The following HOMER1 variants were observed in gnomAD, a reference collection of about 807,000 sequenced individuals.
The protein encoded by HOMER1 is homer protein homolog 1.
In HOMER1, 3 loss-of-function variants were observed where a neutral mutation model predicts 48.9. The ratio of observed to expected loss-of-function variants is 0.06; its 90% CI spans 0.03 to 0.16. The LOEUF (loss-of-function observed/expected upper bound fraction) is 0.16, where lower values mean the gene tolerates loss of function less well. HOMER1 is among the 10% of genes least tolerant of loss of function. The pLI is 1.00. For missense variants in HOMER1, 247 were observed against 411.4 expected (o/e 0.60, Z 3.46); for synonymous variants, 134 against 146.4 (o/e 0.92, Z 0.61).
At chr5:79,438,876 T>TAAAAAAAAAAAAA (rs78093840) in intron 5 of HOMER1, 134 bp downstream of exon 5, 3 of 443,146 alleles carry the variant, frequency 6.8e-6, no homozygotes, top group Non-Finnish European at 1.2e-5. Context: ...ACAGAAGCAG[T>TAAAAAAAAAAAAA]AAAAAAAAAA....
At chr5:79,494,166 T>C (rs959420623) in intron 1 of HOMER1, among the ~76,000 whole-genome samples, 1 of 152,182 alleles carries the variant, frequency 6.6e-6, no homozygotes, top group African/African-American at 2.4e-5. Flanking sequence ...TGATCTGCTC[T>C]TTTCTATAAA....
At chr5:79,412,068 G>C (rs908433029) in intron 5 of HOMER1, among the ~76,000 whole-genome samples, 7 of 151,978 alleles carry the variant, frequency 4.6e-5, no homozygotes, top group African/African-American at 1.7e-4. Context: ...GCAGTGAGTG[G>C]AGATCATGCC....
At chr5:79,421,666 C>T (rs7726818) in intron 5 of HOMER1, among the ~76,000 whole-genome samples, 4,535 of 151,110 alleles carry the variant, frequency 0.03, 206 homozygotes, top group African/African-American at 0.1. Context: ...AGTGCAATGG[C>T]GCAATCTTGG....
chr5:79,483,128 G>A (rs571890408), intron 1 of HOMER1, among the ~76,000 whole-genome samples: 2 of 152,006 alleles, frequency 1.3e-5, no homozygotes, highest in East Asian at 3.9e-4. Flanking sequence ...CTATGCCAAG[G>A]GCAAAGGGAC....
chr5:79,410,303 C>T (rs1749782357), intron 5 of HOMER1, among the ~76,000 whole-genome samples: 1 of 151,634 alleles, frequency 6.6e-6, no homozygotes, highest in Non-Finnish European at 1.5e-5. Flanking sequence ...ACCAGCCTGA[C>T]CAACATGGAG....
intron 8 of HOMER1, among the ~76,000 whole-genome samples, chr5:79,393,292 T>C (rs1312550430): frequency 2.0e-5 from 3 of 152,022 alleles, no homozygotes; most frequent in Non-Finnish European, 2.9e-5. Context: ...AAAAAATACC[T>C]GGGATGGGGT....
intron 5 of HOMER1, among the ~76,000 whole-genome samples, chr5:79,405,032 C>T (rs1005399833): frequency 6.6e-5 from 10 of 151,992 alleles, no homozygotes; most frequent in Non-Finnish European, 1.2e-4. Flanking sequence ...CGATTCTGTG[C>T]GTGAGGCTGA....
intron 8 of HOMER1, among the ~76,000 whole-genome samples, chr5:79,376,931 A>T (rs909791416): frequency 9.9e-5 from 15 of 152,192 alleles, no homozygotes; most frequent in African/African-American, 3.6e-4. Context: ...ACACTTAAAA[A>T]TTATTTAGCA....
intron 1 of HOMER1, among the ~76,000 whole-genome samples, chr5:79,461,931 G>A (rs1751326360): frequency 6.6e-6 from 1 of 152,142 alleles, no homozygotes; most frequent in Non-Finnish European, 1.5e-5. Flanking sequence ...GGGCGCAGTG[G>A]CTCACGCCTG....
chr5:79,502,520 G>T (rs554970278), intron 1 of HOMER1, among the ~76,000 whole-genome samples: 32 of 152,168 alleles, frequency 2.1e-4, no homozygotes, highest in Admixed American at 3.3e-4. Context: ...AAATAAACAT[G>T]GTAGCGCTTT....
intron 1 of HOMER1, among the ~76,000 whole-genome samples, chr5:79,457,685 C>T (rs1308767792): frequency 1.3e-5 from 2 of 152,108 alleles, no homozygotes; most frequent in Non-Finnish European, 2.9e-5. Context: ...TAGAAACACA[C>T]ATAAAACATA....
intron 1 of HOMER1, among the ~76,000 whole-genome samples, chr5:79,485,077 T>TAAAAC (rs70975755): frequency 0.43 from 64,902 of 149,288 alleles, 14,671 homozygotes; most frequent in South Asian, 0.69. Context: ...GTGTCAAAAG[T>TAAAAC]AAAACAAAAC....
intron 1 of HOMER1, among the ~76,000 whole-genome samples, chr5:79,487,914 G>C (rs1752156121): frequency 6.6e-6 from 1 of 152,020 alleles, no homozygotes; most frequent in Non-Finnish European, 1.5e-5. Context: ...ATCTAGAGAG[G>C]TGCAGGCAGT....
At chr5:79,403,593 C>T (rs994148217) in intron 5 of HOMER1, among the ~76,000 whole-genome samples, 2 of 152,010 alleles carry the variant, frequency 1.3e-5, no homozygotes, top group African/African-American at 4.8e-5. Context: ...ATGAAGGAAA[C>T]AGGAAATAAC....
intron 1 of HOMER1, among the ~76,000 whole-genome samples, chr5:79,500,959 G>GAC (rs779298030): frequency 0.023 from 2,957 of 129,784 alleles, 115 homozygotes; most frequent in African/African-American, 0.097. Context: ...GTGTGAGACA[G>GAC]ACAGACACAC....
chr5:79,407,583 G>C (rs770408459), intron 5 of HOMER1, among the ~76,000 whole-genome samples: 38 of 152,172 alleles, frequency 2.5e-4, no homozygotes, highest in Non-Finnish European at 5.9e-5. Flanking sequence ...CAGTGAACTT[G>C]ACACAGCTGC....
At chr5:79,431,896 C>T (rs1251921761) in intron 5 of HOMER1, among the ~76,000 whole-genome samples, 3 of 152,130 alleles carry the variant, frequency 2.0e-5, no homozygotes, top group African/African-American at 7.2e-5. Context: ...ATGTATTATC[C>T]CCATGAAGCA....
chr5:79,404,703 TTTC>T (rs1372165421), intron 5 of HOMER1, among the ~76,000 whole-genome samples: 1 of 142,718 alleles, frequency 7.0e-6, no homozygotes, highest in Non-Finnish European at 1.5e-5. Context: ...CTGCCTTTTC[TTTC>T]TTTCTTTCTT....
At chr5:79,445,674 T>C (rs961912746) in intron 4 of HOMER1, among the ~76,000 whole-genome samples, 2 of 152,134 alleles carry the variant, frequency 1.3e-5, no homozygotes, top group Non-Finnish European at 2.9e-5. Context: ...AATCTCAGCA[T>C]TTTGGGAGGC....
Sources: allele counts gnomAD v4.1 joint callset (sites outside exome capture counted in the v4.1 genomes callset), GRCh38; gene constraint gnomAD v4.1.1; transcripts MANE v1.5; gene names NCBI Gene and HGNC (gene_info 2026-07-23, HGNC 2026-07-21).